DHX29: variants seen among roughly 807,000 people sequenced by gnomAD.
The protein encoded by DHX29 is ATP-dependent RNA helicase DHX29.
A neutral mutation model predicts 167.9 loss-of-function variants in DHX29; 79 were observed. The observed-to-expected ratio is 0.47, with a 90% CI of 0.39 to 0.57. The LOEUF (loss-of-function observed/expected upper bound fraction) is 0.57, where lower values mean the gene tolerates loss of function less well. Among genes scored for constraint, DHX29 ranks in the 20% least tolerant of loss-of-function variants. The probability of loss-of-function intolerance (pLI) is 0.00; values close to 1 mark genes in which losing one functional copy is unlikely to be tolerated. For missense variants in DHX29, 1,347 were observed against 1,593.4 expected (o/e 0.85, Z 2.63); for synonymous variants, 530 against 546.0 (o/e 0.97, Z 0.41).
At chr5:55,279,063 G>A (rs1434777393) in intron 12 of DHX29, among the ~76,000 whole-genome samples, 2 of 152,190 alleles carry the variant, frequency 1.3e-5, no homozygotes, top group Non-Finnish European at 2.9e-5. Flanking sequence ...AAAATGTGGT[G>A]GAGGAGAGCA....
intron 14 of DHX29, 52 bp downstream of exon 14, chr5:55,276,214 G>T: frequency 6.9e-7 from 1 of 1,439,320 alleles, no homozygotes; most frequent in Non-Finnish European, 9.3e-7. Flanking sequence ...CTTGTGGCAG[G>T]TTAGGCCCTG....
At chr5:55,307,142 G>A (rs191526001) in intron 1 of DHX29, among the ~76,000 whole-genome samples, 39 of 152,304 alleles carry the variant, frequency 2.6e-4, no homozygotes, top group Non-Finnish European at 4.4e-5. Flanking sequence ...TTTTTAGAAG[G>A]GGGAGAAGTG....
Position 55,270,713 on chromosome 5 carries a change from A to C in DHX29, c.2865-7T>G, listed in dbSNP as rs778760369. On this transcript the variant is annotated splice_region_variant and splice_polypyrimidine_tract_variant and intron_variant, in intron 18 of 26. Coordinates refer to ENST00000251636, the MANE Select transcript of DHX29 (RefSeq NM_019030.4). ...CTGACTGCTTTCATGGTACCTAAAG[A>C]AATGTTTTAGGAGAGAATATGTAGA... 6.2e-7 allele frequency: 1 copy of C among 1,606,882 alleles called. No homozygotes were observed. Among genetic ancestry groups the C allele is most frequent in the Non-Finnish European group, 8.5e-7 (1 of 1,173,596 alleles).
chr5:55,267,651 T>C (rs755620960), intron 22 of DHX29, 35 bp downstream of exon 22: 5 of 1,563,956 alleles, frequency 3.2e-6, no homozygotes, highest in Admixed American at 1.8e-5. Flanking sequence ...CCTCAGGTAA[T>C]TGGCTTACTG....
At chr5:55,301,931 G>A (rs1748625832) in intron 1 of DHX29, among the ~76,000 whole-genome samples, 1 of 152,072 alleles carries the variant, frequency 6.6e-6, no homozygotes, top group Non-Finnish European at 1.5e-5. Flanking sequence ...TATTTTAAAA[G>A]AACAAAAGTT....
chr5:55,299,427 C>G (rs1748491872), intron 1 of DHX29, among the ~76,000 whole-genome samples: 1 of 152,066 alleles, frequency 6.6e-6, no homozygotes, highest in Non-Finnish European at 1.5e-5. Flanking sequence ...AACTCAAGTC[C>G]AGGGTTGCTA....
At chr5:55,301,243 A>G (rs1294627439) in intron 1 of DHX29, among the ~76,000 whole-genome samples, 1 of 152,230 alleles carries the variant, frequency 6.6e-6, no homozygotes, top group East Asian at 1.9e-4. Flanking sequence ...CCGTAACATT[A>G]CACATCATGT....
Position 55,296,843 on chromosome 5 carries a change from A to G in DHX29, c.375+442T>C, listed in dbSNP as rs536250425. On this transcript the variant is annotated intron_variant, in intron 3 of 26. Transcript: ENST00000251636. ...ATAGATAAAGATAAAGCATTTTAAC[A>G]TACTTTCTAAAGCATAATCATTATG... 1.2e-4 allele frequency among the ~76,000 whole-genome samples: 18 copies of G among 152,294 alleles called. No homozygotes were observed. In the South Asian group the frequency reaches 3.7e-3, roughly 32 times the overall value.
At chr5:55,295,176 AAAT>A in intron 5 of DHX29, 200 bp downstream of exon 5, 5 of 517,204 alleles carry the variant, frequency 9.7e-6, no homozygotes, top group Non-Finnish European at 1.7e-5. Context: ...GAATCATGAG[AAAT>A]AATAGTTGGT....
chr5:55,302,091 G>A (rs967470725), intron 1 of DHX29, among the ~76,000 whole-genome samples: 1 of 152,078 alleles, frequency 6.6e-6, no homozygotes, highest in Admixed American at 6.5e-5. Flanking sequence ...AACAAGTCTG[G>A]TATAGTATTG....
chr5:55,264,430 GC>G (rs1327595148), intron 23 of DHX29, among the ~76,000 whole-genome samples: 1 of 152,194 alleles, frequency 6.6e-6, no homozygotes, highest in African/African-American at 2.4e-5. Flanking sequence ...GCCATCCCAG[GC>G]TGTAGCTAAA....
intron 1 of DHX29, among the ~76,000 whole-genome samples, chr5:55,305,086 G>C (rs993854093): frequency 6.6e-6 from 1 of 152,190 alleles, no homozygotes; most frequent in Non-Finnish European, 1.5e-5. Flanking sequence ...CACAGCACTA[G>C]AGTAGATACT....
At chr5:55,293,946 A>G in intron 6 of DHX29, 71 bp downstream of exon 6, 1 of 1,511,004 alleles carries the variant, frequency 6.6e-7, no homozygotes, top group Non-Finnish European at 8.9e-7. Context: ...TGAGCAAACT[A>G]AGGCTCAGAA....
chr5:55,274,615 G>A lies in DHX29; in HGVS notation c.2689C>T (p.Arg897Ter), dbSNP rs771593509. 8 of 1,573,368 alleles carry A rather than the reference G, an allele frequency of 5.1e-6. No homozygotes were observed. Among genetic ancestry groups the A allele is most frequent in the South Asian group, 2.3e-5 (2 of 85,338 alleles). ...AATATAATGAAGATGAGTAGTTACC[G>A]TTCAGAATAAAATCTTCTATCATTT... ...LSNDRRFYSE[R>*]YKVIALHSIL... The change falls in exon 16 of 27, where the codon CGA becomes TGA. Residue 897 changes from arginine (R) to a stop codon, truncating the protein, a stop_gained and splice_region_variant. Transcript: ENST00000251636. LOFTEE classifies it high-confidence loss of function.
intron 12 of DHX29, among the ~76,000 whole-genome samples, chr5:55,277,848 G>A (rs944452254): frequency 6.8e-6 from 1 of 147,198 alleles, no homozygotes; most frequent in African/African-American, 2.5e-5. Flanking sequence ...AGAGTTTGCA[G>A]TGAGCCAAGA....
intron 6 of DHX29, among the ~76,000 whole-genome samples, chr5:55,292,911 T>C (rs1350980461): frequency 2.0e-5 from 3 of 152,138 alleles, no homozygotes; most frequent in Admixed American, 6.5e-5. Flanking sequence ...AATCTCAAAG[T>C]AGACTTATAC....
At position 55,273,378 on chromosome 5, in the gene DHX29, C is replaced by T; in HGVS notation, c.2691-1G>A. 6.4e-7 allele frequency: 1 copy of T among 1,563,448 alleles called. No homozygotes were observed. On this transcript the variant is annotated splice_acceptor_variant, in intron 16 of 26. Coordinates refer to ENST00000251636, the MANE Select transcript of DHX29 (RefSeq NM_019030.4). LOFTEE classifies it high-confidence loss of function. ...AGAATGCAGAGCTATCACTTTATAT[C>T]TGAAAGTTAAAATCATAGTTCTTAG...
chr5:55,270,733 T>A (rs372402130), intron 18 of DHX29, 27 bp from the exon 19 acceptor site: 2 of 1,581,534 alleles, frequency 1.3e-6, no homozygotes, highest in Non-Finnish European at 8.7e-7. Context: ...GGAGAGAATA[T>A]GTAGATAATT....
intron 16 of DHX29, 43 bp from the exon 17 acceptor site, chr5:55,273,420 G>T: frequency 6.8e-7 from 1 of 1,481,144 alleles, no homozygotes; most frequent in South Asian, 1.5e-5. Flanking sequence ...TTTCTCTTTA[G>T]AAGACACTGC....
Sources: gnomAD v4.1 joint callset for allele counts (sites outside exome capture counted in the v4.1 genomes callset) on GRCh38, gnomAD v4.1.1 for gene constraint, MANE v1.5 for transcripts, NCBI Gene and HGNC (gene_info 2026-07-23, HGNC 2026-07-21) for gene names.